The following SESN1 variants were observed in gnomAD, a reference collection of about 807,000 sequenced individuals.
SESN1 encodes the protein sestrin-1.
A neutral mutation model predicts 59.3 loss-of-function variants in SESN1; 30 were observed. That is an observed-to-expected ratio of 0.51 (90% CI 0.38 to 0.69). The LOEUF (loss-of-function observed/expected upper bound fraction) is 0.69, where lower values mean the gene tolerates loss of function less well. Ranked by LOEUF, SESN1 falls within the 30% of genes least tolerant of loss-of-function variation. SESN1 has a pLI of 0.00. For missense variants in SESN1, 566 were observed against 673.0 expected, an observed-to-expected ratio of 0.84 and a Z score of 1.76; for synonymous variants, 197 against 219.9, an observed-to-expected ratio of 0.90 and a Z score of 0.92.
At chr6:109,074,306 A>ACC (rs113775019) in intron 1 of SESN1, among the ~76,000 whole-genome samples, 28,012 of 152,068 alleles carry the variant, frequency 0.18, 3,390 homozygotes, top group African/African-American at 0.34. Flanking sequence ...ATATGTATAT[A>ACC]CCTTCTAGAT....
chr6:109,040,441 T>C (rs1378785758), intron 1 of SESN1, among the ~76,000 whole-genome samples: 1 of 152,190 alleles, frequency 6.6e-6, no homozygotes, highest in Non-Finnish European at 1.5e-5. Context: ...TTGTTAAATG[T>C]GGGAAAGTTA....
rs1779180947 is a variant in SESN1, at chr6:108,986,121, T to C, written c.*1423A>G. 2.0e-5 allele frequency among the ~76,000 whole-genome samples: 3 copies of C among 152,336 alleles called. No homozygotes were observed. Among genetic ancestry groups the C allele is most frequent in the Admixed American group, 2.0e-4 (3 of 15,306 alleles). On this transcript the variant is annotated 3_prime_UTR_variant, in exon 10 of 10. Transcript: ENST00000436639. ...AGTTAAACTTAGAGCTATTTCTACTTGTCTGATGAGTGTCATTTTTTGTTC... is the reference window on the plus strand; with the variant it reads ...AGTTAAACTTAGAGCTATTTCTACTCGTCTGATGAGTGTCATTTTTTGTTC...
intron 1 of SESN1, among the ~76,000 whole-genome samples, chr6:109,062,202 T>C (rs536289010): frequency 1.3e-4 from 20 of 152,326 alleles, no homozygotes; most frequent in African/African-American, 4.6e-4. Flanking sequence ...GAAGGCATTC[T>C]TGAGGAAGTC....
chr6:109,004,702 T>C (rs568400883), intron 1 of SESN1, among the ~76,000 whole-genome samples: 2 of 152,294 alleles, frequency 1.3e-5, no homozygotes, highest in Non-Finnish European at 2.9e-5. Context: ...ATGCTAGGAT[T>C]ACAGGTGTGA....
At chr6:109,070,257 G>T (rs1410704582) in intron 1 of SESN1, among the ~76,000 whole-genome samples, 1 of 152,182 alleles carries the variant, frequency 6.6e-6, no homozygotes, top group Non-Finnish European at 1.5e-5. Context: ...GAGAGATGAA[G>T]TCCACAGGAC....
chr6:109,008,866 G>A, intron 1 of SESN1: 5 of 985,848 alleles, frequency 5.1e-6, no homozygotes, highest in Non-Finnish European at 6.0e-6. Flanking sequence ...TCTCTTCCCT[G>A]AGTCAAATGT....
At chr6:109,086,831 G>T (rs1199902474) in intron 1 of SESN1, among the ~76,000 whole-genome samples, 3 of 152,280 alleles carry the variant, frequency 2.0e-5, no homozygotes, top group Admixed American at 2.0e-4. Flanking sequence ...CACTCCAACA[G>T]GAATAAAATA....
At chr6:109,047,459 C>T (rs1180405458) in intron 1 of SESN1, among the ~76,000 whole-genome samples, 12 of 126,538 alleles carry the variant, frequency 9.5e-5, no homozygotes, top group African/African-American at 3.4e-4. Context: ...CCGCCCCATC[C>T]GGGAGGGAGG....
chr6:109,017,577 G>A (rs1053886331), intron 1 of SESN1, among the ~76,000 whole-genome samples: 9 of 152,026 alleles, frequency 5.9e-5, no homozygotes, highest in African/African-American at 1.7e-4. Context: ...GAGCCACCGC[G>A]CCCGGCCCAA....
At chr6:109,088,135 C>G (rs559996228) in intron 1 of SESN1, 2 of 151,882 alleles carry the variant, frequency 1.3e-5, no homozygotes, top group East Asian at 3.8e-4. Context: ...TTTTCTTCCC[C>G]GAGAGAGAGA....
At chr6:109,034,769 T>C (rs557270759) in intron 1 of SESN1, among the ~76,000 whole-genome samples, 2 of 152,346 alleles carry the variant, frequency 1.3e-5, no homozygotes, top group East Asian at 3.9e-4. Flanking sequence ...GTGGATGTGA[T>C]GGCCAGAGCT....
chr6:109,022,899 A>G (rs556249639), intron 1 of SESN1, among the ~76,000 whole-genome samples: 1 of 152,250 alleles, frequency 6.6e-6, no homozygotes, highest in African/African-American at 2.4e-5. Flanking sequence ...ATGCTGCCTG[A>G]TAATGTTTTA....
Position 109,062,556 on chromosome 6 carries a change from G to GAA in SESN1, c.279+31237_279+31238dup, listed in dbSNP as rs750724618. Among the ~76,000 whole-genome samples, 342 of 152,218 alleles carry GAA rather than the reference G, an allele frequency of 2.2e-3. 1 individual carries two copies. Among genetic ancestry groups the GAA allele is most frequent in the Non-Finnish European group, 3.6e-3 (247 of 68,000 alleles). ...CCATGTAAAAACATTTATCTTTAAC[G>GAA]AAAACACTATGAGAAGTCATATATA... is the stretch of plus-strand genomic sequence containing the variant. On this transcript the variant is annotated intron_variant, in intron 1 of 9. Coordinates refer to ENST00000436639, the MANE Select transcript of SESN1 (RefSeq NM_014454.3).
At chr6:109,011,872 T>G (rs1436608286) in intron 1 of SESN1, among the ~76,000 whole-genome samples, 6 of 152,124 alleles carry the variant, frequency 3.9e-5, no homozygotes, top group African/African-American at 1.4e-4. Flanking sequence ...CAAGCAATTT[T>G]CCCGCCTTTG....
chr6:109,081,343 G>A (rs145572037), intron 1 of SESN1, among the ~76,000 whole-genome samples: 283 of 152,304 alleles, frequency 1.9e-3, no homozygotes, highest in African/African-American at 6.5e-3. Context: ...TGGGATCACA[G>A]GTGTGAGTCA....
chr6:109,054,643 G>A lies in SESN1; in HGVS notation c.279+39152C>T, dbSNP rs1780599796. On this transcript the variant is annotated intron_variant, in intron 1 of 9. Transcript: ENST00000436639. ...AATAGTCTCTCAAAAAATTTCTTCTGTCATTGTAAAGTTGAGCTTTTTGGC... is the reference window on the plus strand; with the variant it reads ...AATAGTCTCTCAAAAAATTTCTTCTATCATTGTAAAGTTGAGCTTTTTGGC... Among the ~76,000 whole-genome samples, 3 of 152,086 alleles carry A rather than the reference G, an allele frequency of 2.0e-5. No individual in the cohort carries two copies. In the South Asian group the frequency reaches 6.2e-4, roughly 31 times the overall value.
rs1344446042 is a variant in SESN1, at chr6:109,094,044, C to A, written c.30G>T (p.Trp10Cys). ...TTGAATCTCTGCTGCAGAGTCCATC[C>A]CATCTCACTTCATTCTCTCCTTCAG... MAEGENEVR[W>C]DGLCSRDSTT... The change falls in exon 1 of 10, where the codon TGG (tryptophan) becomes TGT (cysteine). Residue 10 changes from tryptophan (W) to cysteine (C), a missense_variant. Transcript: ENST00000436639. 6.2e-7 allele frequency: 1 copy of A among 1,614,022 alleles called. No individual in the cohort carries two copies. Among genetic ancestry groups the A allele is most frequent in the Non-Finnish European group, 8.5e-7 (1 of 1,179,948 alleles).
Position 109,094,069 on chromosome 6 carries a change from G to A in SESN1, c.5C>T (p.Ala2Val), listed in dbSNP as rs1225993603. The change falls in exon 1 of 10, where the codon GCT (alanine) becomes GTT (valine). Residue 2 changes from alanine to valine, a missense_variant. Coordinates refer to ENST00000436639, the MANE Select transcript of SESN1 (RefSeq NM_014454.3). ...CCATCTCACTTCATTCTCTCCTTCAGCCATGACAATAGTTTTTCCTTTGCG... is the reference window on the plus strand; with the variant it reads ...CCATCTCACTTCATTCTCTCCTTCAACCATGACAATAGTTTTTCCTTTGCG... The part of the protein sequence containing the change: M[A>V]EGENEVRWDG... 6.2e-7 allele frequency: 1 copy of A among 1,611,276 alleles called. No individual in the cohort carries two copies. Among genetic ancestry groups the A allele is most frequent in the South Asian group, 1.1e-5 (1 of 91,000 alleles).
chr6:108,989,513 A>ATGGAGAGAGATATC (rs1779304918), intron 8 of SESN1, among the ~76,000 whole-genome samples: 1 of 150,796 alleles, frequency 6.6e-6, no homozygotes, highest in African/African-American at 2.4e-5. Flanking sequence ...ATCTATATAT[A>ATGGAGAGAGATATC]TATAGAGAGA....
Sources: gnomAD v4.1 joint callset for allele counts (sites outside exome capture counted in the v4.1 genomes callset) on GRCh38, gnomAD v4.1.1 for gene constraint, MANE v1.5 for transcripts, NCBI Gene and HGNC (gene_info 2026-07-23, HGNC 2026-07-21) for gene names.